The following ARHGAP20 variants were observed in gnomAD, a reference collection of about 807,000 sequenced individuals.
ARHGAP20 encodes rho GTPase-activating protein 20.
In ARHGAP20, 34 loss-of-function variants were observed where a neutral mutation model predicts 73.7. The observed-to-expected ratio is 0.46, with a 90% CI of 0.35 to 0.61. The LOEUF (loss-of-function observed/expected upper bound fraction) is 0.61, where lower values mean the gene tolerates loss of function less well. Ranked by LOEUF, ARHGAP20 falls within the 20% of genes least tolerant of loss-of-function variation. The pLI, the probability that ARHGAP20 is intolerant of heterozygous loss-of-function variation, is 0.00. For missense variants in ARHGAP20, 1,314 were observed against 1,420.9 expected (o/e 0.92, Z 1.21); for synonymous variants, 523 against 518.2 (o/e 1.01, Z -0.13).
At chr11:110,656,535 G>C (rs1226317635) in intron 2 of ARHGAP20, among the ~76,000 whole-genome samples, 3 of 152,106 alleles carry the variant, frequency 2.0e-5, no homozygotes, top group Non-Finnish European at 4.4e-5. Context: ...CTTAGTAAGG[G>C]AGAGAGTTCC....
intron 2 of ARHGAP20, among the ~76,000 whole-genome samples, chr11:110,657,607 G>A (rs980727486): frequency 2.6e-5 from 4 of 152,108 alleles, no homozygotes; most frequent in Non-Finnish European, 5.9e-5. Context: ...GAAATGTCTA[G>A]GGCTGGCTGT....
At chr11:110,615,498 T>A in intron 5 of ARHGAP20, 55 bp downstream of exon 5, 1 of 1,515,750 alleles carries the variant, frequency 6.6e-7, no homozygotes, top group Non-Finnish European at 9.1e-7. Flanking sequence ...GCAGAAAAGG[T>A]CTTAATTCAT....
chr11:110,695,424 T>C (rs1380849387), intron 1 of ARHGAP20, among the ~76,000 whole-genome samples: 1 of 151,666 alleles, frequency 6.6e-6, no homozygotes, highest in African/African-American at 2.4e-5. Context: ...AAAGCTTTTA[T>C]TGCAAATCAT....
chr11:110,654,728 C>T (rs897503701), intron 2 of ARHGAP20, among the ~76,000 whole-genome samples: 1 of 152,132 alleles, frequency 6.6e-6, no homozygotes, highest in Non-Finnish European at 1.5e-5. Context: ...TATTGCAATG[C>T]TATAAGGTCC....
intron 2 of ARHGAP20, among the ~76,000 whole-genome samples, chr11:110,646,595 A>C (rs963340684): frequency 1.3e-5 from 2 of 152,206 alleles, no homozygotes; most frequent in Non-Finnish European, 2.9e-5. Flanking sequence ...TGCTAAATAA[A>C]AAGTTGAATA....
intron 2 of ARHGAP20, among the ~76,000 whole-genome samples, chr11:110,661,408 AGTG>A: frequency 6.6e-6 from 1 of 152,168 alleles, no homozygotes; most frequent in Non-Finnish European, 1.5e-5. Flanking sequence ...TTGCAAGTTC[AGTG>A]ATAGTTTACT....
chr11:110,668,897 G>A (rs1949775117), intron 2 of ARHGAP20, among the ~76,000 whole-genome samples: 1 of 152,096 alleles, frequency 6.6e-6, no homozygotes, highest in Non-Finnish European at 1.5e-5. Context: ...CAAAAATGAT[G>A]CTGGAACAAC....
intron 2 of ARHGAP20, among the ~76,000 whole-genome samples, chr11:110,660,893 C>T (rs543740776): frequency 6.6e-6 from 1 of 152,274 alleles, no homozygotes; most frequent in South Asian, 2.1e-4. Context: ...TCCAACACTA[C>T]TTGCTCTGTA....
chr11:110,585,296 T>C (rs1947632560), intron 12 of ARHGAP20, among the ~76,000 whole-genome samples: 1 of 152,086 alleles, frequency 6.6e-6, no homozygotes, highest in Non-Finnish European at 1.5e-5. Flanking sequence ...TCCAAAAAAA[T>C]CCTTTAACAG....
At chr11:110,668,651 A>T (rs1026253642) in intron 2 of ARHGAP20, among the ~76,000 whole-genome samples, 1 of 151,830 alleles carries the variant, frequency 6.6e-6, no homozygotes, top group Non-Finnish European at 1.5e-5. Context: ...CCTGTCTCCA[A>T]AAAAATAAAA....
intron 2 of ARHGAP20, among the ~76,000 whole-genome samples, chr11:110,669,898 T>TA: frequency 1.3e-5 from 2 of 152,276 alleles, no homozygotes; most frequent in East Asian, 3.9e-4. Flanking sequence ...TCATAAAATT[T>TA]AAAAAACCCT....
In ARHGAP20 at chr11:110,578,111, C is replaced by T. The variant is rs1034810616; in HGVS notation, c.*1259G>A. 10 of 985,188 alleles carry T rather than the reference C, an allele frequency of 1.0e-5. No individual in the cohort carries two copies. Among genetic ancestry groups the T allele is most frequent in the African/African-American group, 5.2e-5 (3 of 57,156 alleles). The allele number at this position is 985,188 out of a possible 1,614,324, so 61.0% of individuals were successfully genotyped here. A position where few individuals can be genotyped will look rare whatever the true frequency, so the allele number is the denominator to read the frequency against. ...GGCCTGATAATCTATTCCTAGGTGACGAGATGTACTGCTGCAACCTTTAAG... is the reference window on the plus strand; with the variant it reads ...GGCCTGATAATCTATTCCTAGGTGATGAGATGTACTGCTGCAACCTTTAAG... On this transcript the variant is annotated 3_prime_UTR_variant, in exon 15 of 15. Coordinates refer to ENST00000683387, the MANE Select transcript of ARHGAP20 (RefSeq NM_001384657.1).
chr11:110,595,484 T>C (rs1223958365), intron 9 of ARHGAP20, among the ~76,000 whole-genome samples: 1 of 152,168 alleles, frequency 6.6e-6, no homozygotes, highest in African/African-American at 2.4e-5. Flanking sequence ...TAACAAGCAT[T>C]CTTATACACC....
chr11:110,685,131 TAC>T (rs1295234035), intron 2 of ARHGAP20, among the ~76,000 whole-genome samples: 4 of 152,228 alleles, frequency 2.6e-5, no homozygotes, highest in Non-Finnish European at 5.9e-5. Flanking sequence ...TATTGGAAAA[TAC>T]ACAGTCTTCT....
At chr11:110,581,753 A>T (rs1591291110) in intron 14 of ARHGAP20, among the ~76,000 whole-genome samples, 1 of 152,304 alleles carries the variant, frequency 6.6e-6, no homozygotes, top group East Asian at 1.9e-4. Flanking sequence ...GCATAGAATA[A>T]TTGGCCAAAG....
intron 2 of ARHGAP20, among the ~76,000 whole-genome samples, chr11:110,655,926 ACT>A (rs1485699805): frequency 6.6e-6 from 1 of 152,026 alleles, no homozygotes; most frequent in East Asian, 1.9e-4. Context: ...TAACCTAGTC[ACT>A]CTCTAATTGT....
intron 1 of ARHGAP20, among the ~76,000 whole-genome samples, chr11:110,707,788 CA>C: frequency 6.6e-6 from 1 of 152,048 alleles, no homozygotes; most frequent in African/African-American, 2.4e-5. Context: ...TGATCTAACT[CA>C]ACAACCACAT....
At chr11:110,705,981 A>G (rs1950546188) in intron 1 of ARHGAP20, among the ~76,000 whole-genome samples, 1 of 152,190 alleles carries the variant, frequency 6.6e-6, no homozygotes, top group South Asian at 2.1e-4. Flanking sequence ...AAAAATCACC[A>G]AAGTAATTAG....
At chr11:110,664,672 G>T (rs1275332961) in intron 2 of ARHGAP20, among the ~76,000 whole-genome samples, 2 of 148,956 alleles carry the variant, frequency 1.3e-5, no homozygotes, top group East Asian at 3.9e-4. Context: ...AGCTTCCAGT[G>T]AGCGGAGACT....
Sources: gnomAD v4.1 joint callset for allele counts (sites outside exome capture counted in the v4.1 genomes callset) on GRCh38, gnomAD v4.1.1 for gene constraint, MANE v1.5 for transcripts, NCBI Gene and HGNC (gene_info 2026-07-23, HGNC 2026-07-21) for gene names.